The following HIBCH variants were observed in gnomAD, a reference collection of about 807,000 sequenced individuals.
The protein encoded by HIBCH is 3-hydroxyisobutyryl-CoA hydrolase, mitochondrial.
In HIBCH, 50 loss-of-function variants were observed where a neutral mutation model predicts 58.2. The ratio of observed to expected loss-of-function variants is 0.86; its 90% CI spans 0.68 to 1.09. HIBCH has a LOEUF of 1.09. Ranked by LOEUF, HIBCH falls within the 50% of genes least tolerant of loss-of-function variation. The probability of loss-of-function intolerance (pLI) is 0.00; values close to 1 mark genes in which losing one functional copy is unlikely to be tolerated. For missense variants in HIBCH, 450 were observed against 449.7 expected (o/e 1.00, Z -0.01); for synonymous variants, 151 against 146.9 (o/e 1.03, Z -0.20).
chr2:190,195,747 GT>G (rs1163117598), intron 1 of HIBCH, among the ~76,000 whole-genome samples: 2 of 152,144 alleles, frequency 1.3e-5, no homozygotes, highest in Non-Finnish European at 2.9e-5. Flanking sequence ...AAACAGAGCA[GT>G]TTTTTAGTGA....
chr2:190,223,045 C>A (rs984997561), intron 11 of HIBCH, among the ~76,000 whole-genome samples: 3 of 152,218 alleles, frequency 2.0e-5, no homozygotes, highest in Non-Finnish European at 4.4e-5. Flanking sequence ...ACCACATGTT[C>A]TCACTCATAA....
chr2:190,221,058 G>A (rs1168120334), intron 11 of HIBCH, among the ~76,000 whole-genome samples: 1 of 151,750 alleles, frequency 6.6e-6, no homozygotes, highest in African/African-American at 2.4e-5. Context: ...TATAAGAAAG[G>A]CCGCACAGGA....
intron 6 of HIBCH, among the ~76,000 whole-genome samples, chr2:190,285,707 T>A (rs932353737): frequency 6.6e-6 from 1 of 150,986 alleles, no homozygotes; most frequent in South Asian, 2.1e-4. Context: ...CCTACCTATG[T>A]CCTACCTATT....
At chr2:190,270,030 A>G (rs1687346137) in intron 6 of HIBCH, among the ~76,000 whole-genome samples, 1 of 152,254 alleles carries the variant, frequency 6.6e-6, no homozygotes, top group East Asian at 1.9e-4. Flanking sequence ...GAACACATGG[A>G]CACAGGGAGG....
chr2:190,203,585 A>G (rs1690312711), downstream of HIBCH: 1 of 153,108 alleles, frequency 6.5e-6, no homozygotes, highest in South Asian at 2.1e-4. Flanking sequence ...ATTGTTAACA[A>G]ATATAGAGAA....
intron 2 of HIBCH, among the ~76,000 whole-genome samples, chr2:190,301,033 C>T (rs75868647): frequency 0.019 from 2,861 of 152,320 alleles, 101 homozygotes; most frequent in African/African-American, 0.064. Context: ...GAAGCAGCCA[C>T]CCCTGCTTAC....
At chr2:190,193,412 A>G (rs1689810152) in intron 1 of HIBCH, among the ~76,000 whole-genome samples, 1 of 152,144 alleles carries the variant, frequency 6.6e-6, no homozygotes, top group Admixed American at 6.5e-5. Context: ...TACTGGCCTC[A>G]TATAGAATAA....
intron 6 of HIBCH, among the ~76,000 whole-genome samples, chr2:190,268,542 C>G (rs1345875451): frequency 6.6e-6 from 1 of 151,936 alleles, no homozygotes; most frequent in Non-Finnish European, 1.5e-5. Flanking sequence ...ATTAAGAAAC[C>G]TAGCTAGATG....
chr2:190,266,347 G>C (rs1303683462), intron 6 of HIBCH, among the ~76,000 whole-genome samples: 4 of 152,138 alleles, frequency 2.6e-5, no homozygotes, highest in African/African-American at 9.7e-5. Flanking sequence ...ATCTGTTATT[G>C]AAAGAAATAT....
chr2:190,250,312 AC>A, intron 8 of HIBCH: 1 of 448,856 alleles, frequency 2.2e-6, no homozygotes, highest in Non-Finnish European at 4.6e-6. Context: ...GTCCTTTCTT[AC>A]AGGTAAGCTC....
At chr2:190,269,696 A>C (rs1559044572) in intron 6 of HIBCH, among the ~76,000 whole-genome samples, 1 of 152,168 alleles carries the variant, frequency 6.6e-6, no homozygotes, top group Admixed American at 6.5e-5. Context: ...CAGAAACCCC[A>C]TTTGACCCAG....
rs1394897615 is a variant in HIBCH, at chr2:190,306,941, A to C, written c.78+3813T>G. On this transcript the variant is annotated intron_variant, in intron 2 of 13. Coordinates refer to ENST00000359678, the MANE Select transcript of HIBCH (RefSeq NM_014362.4). This position sits in a 1 kb window ranked among gnomAD's most constrained non-coding sequence, Gnocchi z 4.6. ...CAACAAGGCTGTCTATTAACCAGGA[A>C]GCTGGCCATCACCAGACACCAAATC... Among the ~76,000 whole-genome samples, 1 of 152,222 alleles carries C rather than the reference A, an allele frequency of 6.6e-6. No individual in the cohort carries two copies. Among genetic ancestry groups the C allele is most frequent in the Non-Finnish European group, 1.5e-5 (1 of 68,038 alleles).
chr2:190,250,535 A>G, intron 8 of HIBCH: 1 of 292,840 alleles, frequency 3.4e-6, no homozygotes, highest in South Asian at 3.5e-5. Flanking sequence ...TGACAAAGAA[A>G]GGGGTTATGC....
rs1475073087 is a variant in HIBCH, at chr2:190,281,293, C to A, written c.438+6293G>T. Among the ~76,000 whole-genome samples the A allele has an allele frequency of 6.6e-6, 1 of 152,180 alleles. No individual in the cohort carries two copies. Among genetic ancestry groups the A allele is most frequent in the African/African-American group, 2.4e-5 (1 of 41,442 alleles). On this transcript the variant is annotated intron_variant, in intron 6 of 13. Transcript: ENST00000359678. The surrounding 1 kb of genome is among the most constrained non-coding windows in gnomAD (Gnocchi z 5.4). Reference sequence around the variant, plus strand: ...TTTCTGACAGCCTGCAGAATTAGCACCACATGGATGCCACCAAGGCTTATG... The same window carrying A: ...TTTCTGACAGCCTGCAGAATTAGCAACACATGGATGCCACCAAGGCTTATG...
In HIBCH at chr2:190,217,111, C is replaced by A. The variant is rs892449994; in HGVS notation, c.892-4036G>T. Among the ~76,000 whole-genome samples, 2 of 152,212 alleles carry A rather than the reference C, an allele frequency of 1.3e-5. No individual in the cohort carries two copies. Among genetic ancestry groups the A allele is most frequent in the Non-Finnish European group, 2.9e-5 (2 of 68,030 alleles). ...CAGCAGCTCTTGGCCCAGTGCCAGA[C>A]CCAGCAGGGCCCGACCAAAGGCACC... On this transcript the variant is annotated intron_variant, in intron 11 of 13. Transcript: ENST00000359678. This position sits in a 1 kb window ranked among gnomAD's most constrained non-coding sequence, Gnocchi z 4.6.
At chr2:190,202,451 A>C (rs184109588), downstream of HIBCH, 1 of 165,310 alleles carries the variant, frequency 6.0e-6, no homozygotes. Context: ...AAAGATGAAT[A>C]AATGAATAAG....
At chr2:190,244,140 T>TAC (rs1375760736) in intron 11 of HIBCH, among the ~76,000 whole-genome samples, 2 of 149,554 alleles carry the variant, frequency 1.3e-5, no homozygotes, top group African/African-American at 5.0e-5. Context: ...AATATATATA[T>TAC]ATATATACAC....
intron 8 of HIBCH, among the ~76,000 whole-genome samples, chr2:190,250,668 C>T (rs1423565022): frequency 1.3e-5 from 2 of 152,200 alleles, no homozygotes; most frequent in Non-Finnish European, 2.9e-5. Flanking sequence ...CTCAATGTGA[C>T]TGAGGATGCC....
At chr2:190,292,361 G>A (rs186624221) in intron 4 of HIBCH, among the ~76,000 whole-genome samples, 4 of 151,862 alleles carry the variant, frequency 2.6e-5, no homozygotes, top group Admixed American at 2.0e-4. Context: ...CTGGAGTGCG[G>A]TGGCATGATC....
Sources: gnomAD v4.1 joint callset for allele counts (sites outside exome capture counted in the v4.1 genomes callset) on GRCh38, gnomAD v4.1.1 for gene constraint, Gnocchi (gnomAD v3.1) non-coding constraint, MANE v1.5 for transcripts, NCBI Gene and HGNC (gene_info 2026-07-23, HGNC 2026-07-21) for gene names.